Variants in HLCS observed in about 807,000 individuals in gnomAD.
HLCS encodes holocarboxylase synthetase.
HLCS carries 53 observed loss-of-function variants against 75.0 expected under a neutral mutation model. That is an observed-to-expected ratio of 0.71 (90% CI 0.57 to 0.89). The LOEUF (loss-of-function observed/expected upper bound fraction) is 0.89, where lower values mean the gene tolerates loss of function less well. Among genes scored for constraint, HLCS ranks in the 40% least tolerant of loss-of-function variants. The probability of loss-of-function intolerance (pLI) is 0.00; values close to 1 mark genes in which losing one functional copy is unlikely to be tolerated. For synonymous variants in HLCS, 431 were observed against 428.6 expected (o/e 1.01, Z -0.07); for missense variants, 966 against 1,074.0 (o/e 0.90, Z 1.41).
At chr21:36,866,374 T>C (rs772234257) in intron 6 of HLCS, among the ~76,000 whole-genome samples, 2 of 152,234 alleles carry the variant, frequency 1.3e-5, no homozygotes, top group Non-Finnish European at 2.9e-5. Context: ...TATTATCTTA[T>C]AATTAGGGAA....
chr21:36,902,552 C>A (rs1168740452), intron 5 of HLCS, among the ~76,000 whole-genome samples: 1 of 152,356 alleles, frequency 6.6e-6, no homozygotes, highest in African/African-American at 2.4e-5. Flanking sequence ...TGCTCCACAG[C>A]TGCAGGGAGG....
At chr21:36,845,174 T>C (rs1162799922) in intron 6 of HLCS, among the ~76,000 whole-genome samples, 1 of 152,180 alleles carries the variant, frequency 6.6e-6, no homozygotes, top group Non-Finnish European at 1.5e-5. Flanking sequence ...AAGAAGTCAC[T>C]GCACACCTTT....
chr21:36,806,473 A>G (rs1050829114), intron 6 of HLCS, among the ~76,000 whole-genome samples: 2 of 152,190 alleles, frequency 1.3e-5, no homozygotes, highest in Non-Finnish European at 2.9e-5. Context: ...GGTTTCCGAA[A>G]AAAAAACCAA....
Position 36,858,335 on chromosome 21 carries a change from A to G in HLCS, c.1892+38525T>C, listed in dbSNP as rs369306530. On this transcript the variant is annotated intron_variant, in intron 6 of 10. Transcript: ENST00000674895. ...ATAATTCCACAATGAGTTGCTAGCTAAACATTACTTGAAATTTCAGGATGG... is the reference window on the plus strand; with the variant it reads ...ATAATTCCACAATGAGTTGCTAGCTGAACATTACTTGAAATTTCAGGATGG... 2.0e-4 allele frequency among the ~76,000 whole-genome samples: 31 copies of G among 152,264 alleles called. No homozygotes were observed. In the East Asian group the frequency reaches 3.9e-3, roughly 19 times the overall value.
chr21:36,882,757 G>A (rs771643094), intron 6 of HLCS, among the ~76,000 whole-genome samples: 11 of 151,640 alleles, frequency 7.3e-5, no homozygotes, highest in South Asian at 2.1e-4. Flanking sequence ...CACCGTGCCC[G>A]GCCCAGTCTG....
chr21:36,891,620 C>G (rs1326087717), intron 6 of HLCS, among the ~76,000 whole-genome samples: 1 of 152,124 alleles, frequency 6.6e-6, no homozygotes, highest in Non-Finnish European at 1.5e-5. Flanking sequence ...GGAGGTAGAC[C>G]TGGTGTCTGT....
At chr21:36,820,745 C>A (rs542142994) in intron 6 of HLCS, among the ~76,000 whole-genome samples, 50 of 152,358 alleles carry the variant, frequency 3.3e-4, no homozygotes, top group South Asian at 1.7e-3. Flanking sequence ...CTGCAGAAGG[C>A]AGACAGGCTC....
intron 6 of HLCS, among the ~76,000 whole-genome samples, chr21:36,807,412 T>A (rs1362153142): frequency 1.3e-5 from 2 of 152,180 alleles, no homozygotes; most frequent in Non-Finnish European, 2.9e-5. Flanking sequence ...CGAGAGCATC[T>A]CCATACGGGT....
intron 2 of HLCS, among the ~76,000 whole-genome samples, chr21:36,952,545 G>A (rs1226561388): frequency 3.3e-5 from 5 of 152,136 alleles, no homozygotes; most frequent in South Asian, 2.1e-4. Flanking sequence ...CGTAATCCCA[G>A]CACTTTGGGA....
intron 5 of HLCS, among the ~76,000 whole-genome samples, chr21:36,920,365 C>T (rs2066110846): frequency 6.6e-6 from 1 of 151,088 alleles, no homozygotes; most frequent in South Asian, 2.1e-4. Flanking sequence ...AGACACCCAC[C>T]CTAGTGGGAA....
intron 6 of HLCS, among the ~76,000 whole-genome samples, chr21:36,824,846 T>A (rs2061957500): frequency 6.6e-6 from 1 of 152,176 alleles, no homozygotes; most frequent in Admixed American, 6.5e-5. Flanking sequence ...CCTTTTCCCA[T>A]CACTGAAGAG....
chr21:36,918,438 G>A (rs530899818), intron 5 of HLCS, among the ~76,000 whole-genome samples: 10 of 152,280 alleles, frequency 6.6e-5, no homozygotes, highest in Admixed American at 2.6e-4. Flanking sequence ...CAACTTCTTC[G>A]TAAGGTGCAC....
At chr21:36,802,529 G>A (rs1470515971) in intron 6 of HLCS, among the ~76,000 whole-genome samples, 2 of 152,148 alleles carry the variant, frequency 1.3e-5, no homozygotes, top group African/African-American at 4.8e-5. Flanking sequence ...AAAAAAAGTT[G>A]AAAAGTTGCT....
chr21:36,950,128 A>G (rs918681775), intron 2 of HLCS, among the ~76,000 whole-genome samples: 6 of 152,110 alleles, frequency 3.9e-5, no homozygotes, highest in African/African-American at 1.4e-4. Context: ...TCCCTTCTGC[A>G]ATCTGCCTGA....
chr21:36,986,470 G>C (rs1371742958), intron 1 of HLCS, among the ~76,000 whole-genome samples: 1 of 152,224 alleles, frequency 6.6e-6, no homozygotes, highest in African/African-American at 2.4e-5. Flanking sequence ...CCAGGCTGGA[G>C]TGCAATGGTG....
At chr21:36,920,066 T>C (rs2066096140) in intron 5 of HLCS, among the ~76,000 whole-genome samples, 1 of 152,138 alleles carries the variant, frequency 6.6e-6, no homozygotes, top group South Asian at 2.1e-4. Context: ...GCACGGTAGC[T>C]CATACCTGTG....
At chr21:36,775,217 C>T (rs1601188812) in intron 6 of HLCS, among the ~76,000 whole-genome samples, 1 of 152,238 alleles carries the variant, frequency 6.6e-6, no homozygotes, top group Non-Finnish European at 1.5e-5. Flanking sequence ...TTCCCCACGT[C>T]CAGCATAAGA....
chr21:36,936,559 C>A lies in HLCS; in HGVS notation c.1327G>T (p.Val443Phe). ...TGGAGCCTGCCGGGGCTGAGCCGGA[C>A]GGGGCCTTCCTGGTACCTGCAGCCA... ...SSGCRYQEGP[V>F]RLSPGRLQGH... The change falls in exon 4 of 11, where the codon GTC becomes TTC. Residue 443 changes from valine (V) to phenylalanine (F), a missense_variant. Coordinates refer to ENST00000674895, the MANE Select transcript of HLCS (RefSeq NM_001352514.2). 2.5e-6 allele frequency: 4 copies of A among 1,614,192 alleles called. 1 individual carries two copies. The South Asian group carries it at 4.4e-5, about 18-fold the overall frequency.
At chr21:36,772,818 TAAAAATAC>T (rs2060249025) in intron 6 of HLCS, among the ~76,000 whole-genome samples, 1 of 151,812 alleles carries the variant, frequency 6.6e-6, no homozygotes, top group Non-Finnish European at 1.5e-5. Flanking sequence ...CCTGTCTCAC[TAAAAATAC>T]AGAAATTAGC....
Sources: gnomAD v4.1 joint callset for allele counts (sites outside exome capture counted in the v4.1 genomes callset) on GRCh38, gnomAD v4.1.1 for gene constraint, MANE v1.5 for transcripts, NCBI Gene and HGNC (gene_info 2026-07-23, HGNC 2026-07-21) for gene names.